DCK: variants seen among roughly 807,000 people sequenced by gnomAD.
DCK encodes deoxycytidine kinase, also known as deoxyadenosine kinase.
A neutral mutation model predicts 38.3 loss-of-function variants in DCK; 23 were observed. That is an observed-to-expected ratio of 0.60 (90% CI 0.43 to 0.85). The LOEUF (loss-of-function observed/expected upper bound fraction) is 0.85. Ranked by LOEUF, DCK falls within the 40% of genes least tolerant of loss-of-function variation. The probability of loss-of-function intolerance (pLI) is 0.00; values close to 1 mark genes in which losing one functional copy is unlikely to be tolerated. For synonymous variants in DCK, 108 were observed against 100.6 expected (o/e 1.07, Z -0.44); for missense variants, 259 against 304.4 (o/e 0.85, Z 1.11).
At chr4:71,017,234 C>A (rs1206608238) in intron 2 of DCK, among the ~76,000 whole-genome samples, 1 of 152,136 alleles carries the variant, frequency 6.6e-6, no homozygotes. Context: ...AATGAGATAC[C>A]CTCTCACACC....
intron 2 of DCK, among the ~76,000 whole-genome samples, chr4:71,022,089 A>G (rs943714099): frequency 6.6e-6 from 1 of 152,254 alleles, no homozygotes; most frequent in Non-Finnish European, 1.5e-5. Context: ...TGACAAACTA[A>G]GTCAAAGTTT....
rs932532394 is a variant in DCK, at chr4:71,016,633, A to G, written c.208-5734A>G. 8.1e-4 allele frequency among the ~76,000 whole-genome samples: 123 copies of G among 152,288 alleles called. 2 individuals carry two copies. Among genetic ancestry groups the G allele is most frequent in the African/African-American group, 2.8e-3 (117 of 41,558 alleles). Reference sequence around the variant, plus strand: ...AGAGCCCTCAGAAATAATACCACACATCTACAACCATCTGATCTTTGACAA... The same window carrying G: ...AGAGCCCTCAGAAATAATACCACACGTCTACAACCATCTGATCTTTGACAA... On this transcript the variant is annotated intron_variant, in intron 2 of 6. Coordinates refer to ENST00000286648, the MANE Select transcript of DCK (RefSeq NM_000788.3).
intron 2 of DCK, among the ~76,000 whole-genome samples, chr4:71,020,172 A>C (rs1053116510): frequency 1.3e-5 from 2 of 152,260 alleles, no homozygotes; most frequent in African/African-American, 4.8e-5. Flanking sequence ...TTTGTTCTAC[A>C]TAATTTTCCT....
intron 2 of DCK, among the ~76,000 whole-genome samples, chr4:71,007,323 G>A (rs1279054694): frequency 6.6e-6 from 1 of 152,134 alleles, no homozygotes; most frequent in Non-Finnish European, 1.5e-5. Context: ...AGAAAAGTAG[G>A]TAAAAGCTAA....
chr4:71,018,292 A>AT (rs1025892448), intron 2 of DCK, among the ~76,000 whole-genome samples: 20 of 150,986 alleles, frequency 1.3e-4, no homozygotes, highest in Non-Finnish European at 1.2e-4. Context: ...ATGCCCCGCT[A>AT]TTTTTTTTGG....
chr4:71,017,123 A>G (rs1740291948), intron 2 of DCK, among the ~76,000 whole-genome samples: 1 of 152,256 alleles, frequency 6.6e-6, no homozygotes, highest in Admixed American at 6.5e-5. Context: ...GGCAAAGGAT[A>G]TGAACAGACA....
rs1255598327 is a variant in DCK, at chr4:70,998,057, C to G, written c.92-10C>G. 7.0e-7 allele frequency: 1 copy of G among 1,429,832 alleles called. No individual in the cohort carries two copies. Among genetic ancestry groups the G allele is most frequent in the Non-Finnish European group, 9.6e-7 (1 of 1,036,676 alleles). The allele number at this position is 1,429,832 out of a possible 1,614,324, so 88.6% of individuals were successfully genotyped here. A position where few individuals can be genotyped will look rare whatever the true frequency, so the allele number is the denominator to read the frequency against. On this transcript the variant is annotated splice_polypyrimidine_tract_variant and intron_variant, in intron 1 of 6. Transcript: ENST00000286648. Reference sequence around the variant, plus strand: ...CTTTTCTTCCTCAATTTTATCTTTCCTCACAACAGCTGCAGGGAAGTCAAC... The same window carrying G: ...CTTTTCTTCCTCAATTTTATCTTTCGTCACAACAGCTGCAGGGAAGTCAAC...
intron 1 of DCK, among the ~76,000 whole-genome samples, chr4:70,995,022 C>A (rs1739630450): frequency 6.6e-6 from 1 of 152,130 alleles, no homozygotes; most frequent in South Asian, 2.1e-4. Context: ...AAAATTCTTA[C>A]CACATTCAAA....
At chr4:71,026,255 C>T (rs1334803898) in intron 5 of DCK, among the ~76,000 whole-genome samples, 2 of 151,962 alleles carry the variant, frequency 1.3e-5, no homozygotes, top group East Asian at 1.9e-4. Context: ...GATTGTATAG[C>T]GTGGTTGTTG....
intron 2 of DCK, among the ~76,000 whole-genome samples, chr4:71,019,785 T>TG (rs1740364310): frequency 6.6e-6 from 1 of 151,446 alleles, no homozygotes; most frequent in Non-Finnish European, 1.5e-5. Context: ...ACCTTTTATT[T>TG]TTTTTTAAAT....
chr4:71,000,371 A>T (rs181260919), intron 2 of DCK, among the ~76,000 whole-genome samples: 3 of 152,116 alleles, frequency 2.0e-5, no homozygotes, highest in Non-Finnish European at 2.9e-5. Flanking sequence ...GTTCTGTTCC[A>T]TTGGTCTATA....
chr4:70,996,525 C>T (rs1739664851), intron 1 of DCK, among the ~76,000 whole-genome samples: 1 of 152,180 alleles, frequency 6.6e-6, no homozygotes, highest in South Asian at 2.1e-4. Context: ...ATGTTCCTTG[C>T]CATTTTTCGT....
intron 2 of DCK, among the ~76,000 whole-genome samples, chr4:70,998,659 C>T (rs1739714661): frequency 6.6e-6 from 1 of 152,106 alleles, no homozygotes; most frequent in African/African-American, 2.4e-5. Context: ...GTTGGTGGCT[C>T]ACGCTTGTAA....
intron 4 of DCK, among the ~76,000 whole-genome samples, chr4:71,025,058 G>C (rs1291806376): frequency 6.6e-6 from 1 of 152,006 alleles, no homozygotes; most frequent in Non-Finnish European, 1.5e-5. Flanking sequence ...ATGGTCTTAT[G>C]CATGTCATTT....
chr4:71,011,185 C>T (rs1300123077), intron 2 of DCK, among the ~76,000 whole-genome samples: 4 of 150,678 alleles, frequency 2.7e-5, no homozygotes, highest in African/African-American at 9.8e-5. Flanking sequence ...TCAAGTGATC[C>T]ACCCATCTCA....
chr4:71,019,933 C>T (rs545643554), intron 2 of DCK, among the ~76,000 whole-genome samples: 34 of 152,156 alleles, frequency 2.2e-4, no homozygotes, highest in African/African-American at 7.9e-4. Context: ...ATTACAGGCG[C>T]GTGCCACCAC....
At chr4:71,027,392 CT>C (rs1740569414) in intron 6 of DCK, among the ~76,000 whole-genome samples, 1 of 151,960 alleles carries the variant, frequency 6.6e-6, no homozygotes, top group South Asian at 2.1e-4. Flanking sequence ...TGGGAGTTGA[CT>C]ATATTCTGTT....
chr4:71,015,762 A>C (rs1740245943), intron 2 of DCK, among the ~76,000 whole-genome samples: 1 of 152,226 alleles, frequency 6.6e-6, no homozygotes, highest in Non-Finnish European at 1.5e-5. Flanking sequence ...TCAATAAATT[A>C]GGTATTGGTG....
intron 2 of DCK, 91 bp downstream of exon 2, chr4:70,998,273 C>A: frequency 3.4e-6 from 2 of 586,168 alleles, no homozygotes; most frequent in South Asian, 2.8e-5. Flanking sequence ...TTCAATAAAA[C>A]TTTCAAATCT....
Sources: gnomAD v4.1 joint callset for allele counts (sites outside exome capture counted in the v4.1 genomes callset) on GRCh38, gnomAD v4.1.1 for gene constraint, MANE v1.5 for transcripts, NCBI Gene and HGNC (gene_info 2026-07-23, HGNC 2026-07-21) for gene names.